The following ZMAT4 variants were observed in gnomAD, a reference collection of about 807,000 sequenced individuals.
ZMAT4 encodes zinc finger matrin-type protein 4.
ZMAT4 carries 17 observed loss-of-function variants against 28.7 expected under a neutral mutation model. That is an observed-to-expected ratio of 0.59 (90% CI 0.41 to 0.89). The LOEUF is 0.89. Ranked by LOEUF, ZMAT4 falls within the 40% of genes least tolerant of loss-of-function variation. The probability of loss-of-function intolerance (pLI) is 0.00; values close to 1 mark genes in which losing one functional copy is unlikely to be tolerated. For missense variants in ZMAT4, 240 were observed against 283.8 expected (o/e 0.85, Z 1.11); for synonymous variants, 117 against 109.2 (o/e 1.07, Z -0.44).
chr8:40,654,182 A>G (rs982873827), intron 5 of ZMAT4, among the ~76,000 whole-genome samples: 1 of 152,162 alleles, frequency 6.6e-6, no homozygotes, highest in Non-Finnish European at 1.5e-5. Context: ...CAAAGCCACC[A>G]CTGCCTTCAT....
chr8:40,632,661 G>A (rs754326257), intron 5 of ZMAT4, among the ~76,000 whole-genome samples: 2 of 152,138 alleles, frequency 1.3e-5, no homozygotes, highest in Non-Finnish European at 2.9e-5. Flanking sequence ...GGAAGGATGA[G>A]TCTCTAGAGC....
At chr8:40,687,426 G>A (rs889982324) in intron 4 of ZMAT4, among the ~76,000 whole-genome samples, 20 of 152,070 alleles carry the variant, frequency 1.3e-4, no homozygotes, top group African/African-American at 3.9e-4. Context: ...ATGGGGGAGG[G>A]AGAGATATTG....
At chr8:40,604,679 T>TTTG (rs920777495) in intron 5 of ZMAT4, among the ~76,000 whole-genome samples, 3 of 152,108 alleles carry the variant, frequency 2.0e-5, no homozygotes, top group African/African-American at 7.2e-5. Flanking sequence ...ATCCGTAGTT[T>TTTG]TTGTTGTTGT....
chr8:40,702,112 C>A (rs1015818838), intron 3 of ZMAT4, among the ~76,000 whole-genome samples: 1 of 152,150 alleles, frequency 6.6e-6, no homozygotes, highest in Non-Finnish European at 1.5e-5. Context: ...TATGACACAG[C>A]AAGAAAATCC....
At chr8:40,546,564 GA>G (rs1483451641) in intron 6 of ZMAT4, among the ~76,000 whole-genome samples, 1 of 152,158 alleles carries the variant, frequency 6.6e-6, no homozygotes, top group Non-Finnish European at 1.5e-5. Flanking sequence ...CTGGTGGGAA[GA>G]AAATCCTTTT....
At chr8:40,828,482 C>T (rs900922386) in intron 1 of ZMAT4, among the ~76,000 whole-genome samples, 4 of 151,696 alleles carry the variant, frequency 2.6e-5, no homozygotes, top group African/African-American at 7.3e-5. Flanking sequence ...CAAGCAGGCC[C>T]GTAGGAGTCT....
chr8:40,627,399 C>T (rs1269526415), intron 5 of ZMAT4, among the ~76,000 whole-genome samples: 2 of 152,124 alleles, frequency 1.3e-5, no homozygotes, highest in Non-Finnish European at 2.9e-5. Flanking sequence ...CACAAACACA[C>T]ACATACACAC....
chr8:40,721,009 G>A lies in ZMAT4; in HGVS notation c.193-23608C>T, dbSNP rs1054799926. Reference sequence around the variant, plus strand: ...GTTTTTTATTATACTTTAAGTTTTAGGGTACATGTGCACATTGTGCAGGTT... The same window carrying A: ...GTTTTTTATTATACTTTAAGTTTTAAGGTACATGTGCACATTGTGCAGGTT... On this transcript the variant is annotated intron_variant, in intron 3 of 6. Transcript: ENST00000297737. 2.0e-5 allele frequency among the ~76,000 whole-genome samples: 3 copies of A among 151,628 alleles called. No individual in the cohort carries two copies. The South Asian group carries it at 6.3e-4, about 32-fold the overall frequency.
chr8:40,795,699 C>T lies in ZMAT4; in HGVS notation c.103-27969G>A, dbSNP rs565991046. 1.8e-4 allele frequency among the ~76,000 whole-genome samples: 27 copies of T among 152,230 alleles called. No homozygotes were observed. The South Asian group carries it at 3.7e-3, about 21-fold the overall frequency. On this transcript the variant is annotated intron_variant, in intron 2 of 6. Coordinates refer to ENST00000297737, the MANE Select transcript of ZMAT4 (RefSeq NM_024645.3). ...ATCCCCAGATTTATTTTATACTATC[C>T]GTTGCATTAATGTTGCATATAAAAA... is the stretch of plus-strand genomic sequence containing the variant.
intron 5 of ZMAT4, among the ~76,000 whole-genome samples, chr8:40,662,424 A>G (rs535560976): frequency 2.0e-5 from 3 of 152,278 alleles, no homozygotes; most frequent in Admixed American, 6.5e-5. Context: ...TAATGTTTAA[A>G]ATCCGGATAG....
At chr8:40,746,250 TCCCTCCCTCCCTC>T (rs1812214399) in intron 3 of ZMAT4, among the ~76,000 whole-genome samples, 1 of 65,996 alleles carries the variant, frequency 1.5e-5, no homozygotes, top group Admixed American at 1.9e-4. Flanking sequence ...CCTCCCTCCC[TCCCTCCCTCCCTC>T]CCTTCCTTCC....
chr8:40,881,470 AGAAAGAAAGAAAG>A (rs1818236173), intron 1 of ZMAT4, among the ~76,000 whole-genome samples: 1 of 148,142 alleles, frequency 6.8e-6, no homozygotes, highest in African/African-American at 2.5e-5. Flanking sequence ...AAAGAAAGAA[AGAAAGAAAGAAAG>A]AAAGAAAGAA....
intron 5 of ZMAT4, among the ~76,000 whole-genome samples, chr8:40,621,726 T>C (rs1008098735): frequency 6.6e-6 from 1 of 152,204 alleles, no homozygotes. Flanking sequence ...AGGAAAATAT[T>C]GCACATTTCC....
intron 5 of ZMAT4, among the ~76,000 whole-genome samples, chr8:40,631,119 A>C (rs994391076): frequency 1.3e-5 from 2 of 152,160 alleles, no homozygotes; most frequent in Non-Finnish European, 2.9e-5. Context: ...CTGTAATGGA[A>C]TATGAGAGGT....
At chr8:40,691,932 TG>T (rs1809683215) in intron 4 of ZMAT4, among the ~76,000 whole-genome samples, 1 of 152,302 alleles carries the variant, frequency 6.6e-6, no homozygotes, top group South Asian at 2.1e-4. Context: ...AAAGGAGTTT[TG>T]TAAGATCAAG....
At chr8:40,768,725 A>G (rs1424765234) in intron 2 of ZMAT4, among the ~76,000 whole-genome samples, 1 of 152,216 alleles carries the variant, frequency 6.6e-6, no homozygotes, top group Non-Finnish European at 1.5e-5. Context: ...GACATTGCAT[A>G]TGAAAAATTG....
chr8:40,721,915 C>A (rs1331866343), intron 3 of ZMAT4, among the ~76,000 whole-genome samples: 1 of 151,968 alleles, frequency 6.6e-6, no homozygotes, highest in African/African-American at 2.4e-5. Flanking sequence ...GAAAAACAAG[C>A]AATGGGGAAA....
intron 3 of ZMAT4, among the ~76,000 whole-genome samples, chr8:40,762,700 T>C (rs1438427648): frequency 3.3e-5 from 5 of 151,272 alleles, no homozygotes; most frequent in Admixed American, 6.6e-5. Flanking sequence ...GAGGCAGAGG[T>C]TTTTGTGGTA....
intron 2 of ZMAT4, among the ~76,000 whole-genome samples, chr8:40,810,670 T>C (rs34448882): frequency 0.18 from 27,380 of 152,124 alleles, 2,671 homozygotes; most frequent in Non-Finnish European, 0.2. Context: ...AAGGGCTTCT[T>C]AAACAAACTG....
Sources: allele counts gnomAD v4.1 joint callset (sites outside exome capture counted in the v4.1 genomes callset), GRCh38; gene constraint gnomAD v4.1.1; transcripts MANE v1.5; gene names NCBI Gene and HGNC (gene_info 2026-07-23, HGNC 2026-07-21).